ANTXR1: variants seen among roughly 807,000 people sequenced by gnomAD.
ANTXR1 encodes the protein anthrax toxin receptor 1.
Under a neutral mutation model 78.1 loss-of-function variants are expected in ANTXR1, and 19 were observed. That is an observed-to-expected ratio of 0.24 (90% CI 0.17 to 0.36). The LOEUF (loss-of-function observed/expected upper bound fraction) is 0.36. Among genes scored for constraint, ANTXR1 ranks in the 10% least tolerant of loss-of-function variants. The pLI, the probability that ANTXR1 is intolerant of heterozygous loss-of-function variation, is 1.00. For missense variants in ANTXR1, 518 were observed against 718.6 expected (o/e 0.72, Z 3.19); for synonymous variants, 273 against 260.5 (o/e 1.05, Z -0.46).
At chr2:69,074,411 G>C (rs2104221373) in intron 6 of ANTXR1, among the ~76,000 whole-genome samples, 1 of 152,294 alleles carries the variant, frequency 6.6e-6, no homozygotes, top group East Asian at 1.9e-4. Context: ...GGTGTCAGAG[G>C]CTTAAGATAG....
intron 17 of ANTXR1, among the ~76,000 whole-genome samples, chr2:69,218,539 G>A (rs185049812): frequency 8.5e-5 from 13 of 152,312 alleles, no homozygotes; most frequent in South Asian, 2.1e-4. Context: ...GGACAGTGAC[G>A]TGGGTAGGTT....
intron 17 of ANTXR1, among the ~76,000 whole-genome samples, chr2:69,238,276 C>T (rs1675818831): frequency 6.6e-6 from 1 of 152,160 alleles, no homozygotes; most frequent in South Asian, 2.1e-4. Flanking sequence ...AATGTGGTTG[C>T]TGGGGTCCAT....
chr2:69,046,254 C>T (rs188089613), intron 3 of ANTXR1, among the ~76,000 whole-genome samples: 5 of 152,202 alleles, frequency 3.3e-5, no homozygotes, highest in East Asian at 3.9e-4. Flanking sequence ...CAGGTTCACA[C>T]ATCACTTGCA....
intron 7 of ANTXR1, among the ~76,000 whole-genome samples, chr2:69,076,130 A>T (rs1323953422): frequency 6.6e-6 from 1 of 151,622 alleles, no homozygotes; most frequent in Non-Finnish European, 1.5e-5. Flanking sequence ...ACACACCATC[A>T]CACTTGGCTA....
At chr2:69,043,146 TG>T (rs1256982340) in intron 2 of ANTXR1, among the ~76,000 whole-genome samples, 1 of 152,210 alleles carries the variant, frequency 6.6e-6, no homozygotes, top group Non-Finnish European at 1.5e-5. Context: ...GTATATAATG[TG>T]GCAGTTAGGA....
intron 1 of ANTXR1, among the ~76,000 whole-genome samples, chr2:69,033,676 A>G (rs1238961823): frequency 6.6e-6 from 1 of 152,170 alleles, no homozygotes; most frequent in Non-Finnish European, 1.5e-5. Flanking sequence ...AGTGACTTCA[A>G]CTGGGTGGGG....
At chr2:69,049,721 C>T (rs1045723471) in intron 3 of ANTXR1, among the ~76,000 whole-genome samples, 1 of 152,234 alleles carries the variant, frequency 6.6e-6, no homozygotes, top group Non-Finnish European at 1.5e-5. Flanking sequence ...ATTCTGTCTT[C>T]TTTTCTAATA....
intron 12 of ANTXR1, among the ~76,000 whole-genome samples, chr2:69,131,572 T>C (rs1032930025): frequency 1.3e-5 from 2 of 152,218 alleles, no homozygotes; most frequent in Admixed American, 6.5e-5. Flanking sequence ...ATCGCCCCTA[T>C]GTTTCTTGAG....
chr2:69,079,782 A>C (rs1201280245), intron 8 of ANTXR1, among the ~76,000 whole-genome samples: 1 of 152,242 alleles, frequency 6.6e-6, no homozygotes, highest in Admixed American at 6.5e-5. Flanking sequence ...TAAGATGGCT[A>C]GATTCTGAAA....
At chr2:69,079,764 T>C (rs1670846505) in intron 8 of ANTXR1, among the ~76,000 whole-genome samples, 1 of 152,202 alleles carries the variant, frequency 6.6e-6, no homozygotes, top group African/African-American at 2.4e-5. Flanking sequence ...GAGGCAATAG[T>C]CCTGCCTTAA....
intron 12 of ANTXR1, among the ~76,000 whole-genome samples, chr2:69,137,208 C>T (rs977580536): frequency 5.3e-5 from 8 of 152,132 alleles, no homozygotes; most frequent in African/African-American, 1.9e-4. Context: ...GTTTATGGTT[C>T]TACTTTTTCT....
chr2:69,055,897 C>T (rs1418830247), intron 3 of ANTXR1, among the ~76,000 whole-genome samples: 1 of 152,150 alleles, frequency 6.6e-6, no homozygotes, highest in Non-Finnish European at 1.5e-5. Flanking sequence ...GGCTCCACCA[C>T]CATGTGCATG....
At chr2:69,020,086 G>T (rs1671140258) in intron 1 of ANTXR1, among the ~76,000 whole-genome samples, 2 of 152,108 alleles carry the variant, frequency 1.3e-5, no homozygotes, top group Non-Finnish European at 2.9e-5. Flanking sequence ...ATTCCTTTGG[G>T]TATATTCTCA....
chr2:69,169,004 A>G (rs1673903569), intron 13 of ANTXR1, among the ~76,000 whole-genome samples: 1 of 152,244 alleles, frequency 6.6e-6, no homozygotes, highest in Non-Finnish European at 1.5e-5. Flanking sequence ...TCATGCAGAG[A>G]TGACGTTATC....
intron 13 of ANTXR1, among the ~76,000 whole-genome samples, chr2:69,160,223 C>T (rs1015386379): frequency 1.3e-5 from 2 of 152,166 alleles, no homozygotes; most frequent in African/African-American, 4.8e-5. Flanking sequence ...GTACACCACA[C>T]ACCTCACACA....
At chr2:69,218,878 CAGA>C (rs1383569448) in intron 17 of ANTXR1, among the ~76,000 whole-genome samples, 4 of 152,096 alleles carry the variant, frequency 2.6e-5, no homozygotes, top group Admixed American at 6.6e-5. Flanking sequence ...AGCCTCAAGG[CAGA>C]AGGAGTATAA....
At chr2:69,156,259 T>A (rs941050433) in intron 13 of ANTXR1, among the ~76,000 whole-genome samples, 44 of 152,322 alleles carry the variant, frequency 2.9e-4, no homozygotes, top group African/African-American at 9.9e-4. Flanking sequence ...TCTATCTCCG[T>A]GAGAAAACAG....
intron 12 of ANTXR1, among the ~76,000 whole-genome samples, chr2:69,143,172 T>A (rs1673117516): frequency 6.6e-6 from 1 of 152,230 alleles, no homozygotes; most frequent in South Asian, 2.1e-4. Context: ...ATACTGGTGG[T>A]GGAGAAACCA....
chr2:69,154,378 G>C (rs1673472282), intron 13 of ANTXR1, among the ~76,000 whole-genome samples: 1 of 152,142 alleles, frequency 6.6e-6, no homozygotes, highest in African/African-American at 2.4e-5. Flanking sequence ...TCCAGTGCTT[G>C]GTCTGCCCCC....
Sources: allele counts gnomAD v4.1 joint callset (sites outside exome capture counted in the v4.1 genomes callset), GRCh38; gene constraint gnomAD v4.1.1; transcripts MANE v1.5; gene names NCBI Gene and HGNC (gene_info 2026-07-23, HGNC 2026-07-21).